The following PKHD1L1 variants were observed in gnomAD, a reference collection of about 807,000 sequenced individuals.
PKHD1L1 encodes fibrocystin-L.
Under a neutral mutation model 462.9 loss-of-function variants are expected in PKHD1L1, and 434 were observed. That is an observed-to-expected ratio of 0.94 (90% CI 0.87 to 1.02). The LOEUF is 1.02. Ranked by LOEUF, PKHD1L1 falls within the 50% of genes least tolerant of loss-of-function variation. The pLI is 0.00. For synonymous variants in PKHD1L1, 1,781 were observed against 1,750.0 expected, an observed-to-expected ratio of 1.02 and a Z score of -0.44; for missense variants, 5,202 against 5,096.1, an observed-to-expected ratio of 1.02 and a Z score of -0.63.
intron 48 of PKHD1L1, among the ~76,000 whole-genome samples, chr8:109,462,384 A>T (rs141055909): frequency 3.9e-4 from 59 of 152,246 alleles, no homozygotes; most frequent in African/African-American, 1.3e-3. Context: ...GTCCAAGTCC[A>T]TCCCATAGGA....
At chr8:109,452,334 G>A (rs1816572029) in intron 42 of PKHD1L1, 54 bp downstream of exon 42, 1 of 1,403,046 alleles carries the variant, frequency 7.1e-7, no homozygotes, top group African/African-American at 1.5e-5. Context: ...AGCATTATGG[G>A]AGGTGGGCTA....
In PKHD1L1 at chr8:109,444,939, T is replaced by C. The variant is rs1586528469; in HGVS notation, c.5070T>C (p.Gly1690=). 3 of 1,614,008 alleles carry C rather than the reference T, an allele frequency of 1.9e-6. No individual in the cohort carries two copies. The African/African-American group carries it at 4.0e-5, about 22-fold the overall frequency. Reference sequence around the variant, plus strand: ...CTGGATTTGCCGTTTCTTCTGCAGGTGTAAAAGTCCTTATGGGTCATTTCC... The same window carrying C: ...CTGGATTTGCCGTTTCTTCTGCAGGCGTAAAAGTCCTTATGGGTCATTTCC... ...KGSGFAVSSA[G]VKVLMGHFPC... The change falls in exon 38 of 78, where the codon GGT becomes GGC. Residue 1690 remains glycine (G), a synonymous_variant. Transcript: ENST00000378402.
intron 2 of PKHD1L1, among the ~76,000 whole-genome samples, chr8:109,372,463 G>T (rs997478440): frequency 2.0e-5 from 3 of 152,312 alleles, no homozygotes; most frequent in Non-Finnish European, 2.9e-5. Flanking sequence ...GGGACAATTT[G>T]ACTTCCTCTT....
chr8:109,371,003 T>C (rs181891355), intron 2 of PKHD1L1, among the ~76,000 whole-genome samples: 3 of 152,340 alleles, frequency 2.0e-5, no homozygotes, highest in Middle Eastern at 3.4e-3. Context: ...GCATGATTTA[T>C]AATCCTTTGG....
rs547219945 is a variant in PKHD1L1, at chr8:109,530,015, TATTTTAA to T, written c.12722-61_12722-55del. 264 of 952,326 alleles carry T rather than the reference TATTTTAA, an allele frequency of 2.8e-4. 1 individual carries two copies. The African/African-American group carries it at 4.1e-3, about 15-fold the overall frequency. The allele number at this position is 952,326 out of a possible 1,614,324, so 59.0% of individuals were successfully genotyped here. Reference sequence around the variant, plus strand: ...GAGAAAAGTTAAAATTAATGAAATATATTTTAAATTATACTATATGCTATTTCTACTT... The same window carrying T: ...GAGAAAAGTTAAAATTAATGAAATATATTATACTATATGCTATTTCTACTT... On this transcript the variant is annotated intron_variant, in intron 77 of 77. Coordinates refer to ENST00000378402, the MANE Select transcript of PKHD1L1 (RefSeq NM_177531.6).
At chr8:109,398,603 T>C (rs1813096228) in intron 12 of PKHD1L1, 55 bp downstream of exon 12, 3 of 720,992 alleles carry the variant, frequency 4.2e-6, no homozygotes, top group Non-Finnish European at 6.2e-6. Flanking sequence ...AAAGAATATA[T>C]TAGTAAAAAA....
intron 45 of PKHD1L1, among the ~76,000 whole-genome samples, chr8:109,455,427 T>A (rs770954776): frequency 1.3e-5 from 2 of 152,192 alleles, no homozygotes; most frequent in Non-Finnish European, 2.9e-5. Flanking sequence ...GGGTCTTTTC[T>A]ACATTCCTCC....
intron 50 of PKHD1L1, among the ~76,000 whole-genome samples, chr8:109,472,211 T>A (rs545320326): frequency 2.6e-4 from 39 of 152,098 alleles, no homozygotes; most frequent in African/African-American, 8.9e-4. Flanking sequence ...GAATGATCTA[T>A]CCCCCATCCC....
intron 70 of PKHD1L1, among the ~76,000 whole-genome samples, chr8:109,508,495 G>C (rs1159385284): frequency 6.6e-6 from 1 of 151,990 alleles, no homozygotes; most frequent in Non-Finnish European, 1.5e-5. Context: ...AAAAGAAGGA[G>C]GGGAAGAGGG....
At chr8:109,478,493 T>A (rs1818111277) in intron 53 of PKHD1L1, among the ~76,000 whole-genome samples, 1 of 151,994 alleles carries the variant, frequency 6.6e-6, no homozygotes, top group Non-Finnish European at 1.5e-5. Flanking sequence ...GGGACAGCCT[T>A]TGGGTGGGGT....
chr8:109,396,860 G>C (rs1018010925), intron 11 of PKHD1L1, among the ~76,000 whole-genome samples: 4 of 152,294 alleles, frequency 2.6e-5, no homozygotes, highest in Middle Eastern at 3.4e-3. Context: ...TCTTGCTCAA[G>C]TACTTTCTAC....
At chr8:109,393,732 A>G (rs1812816279) in intron 9 of PKHD1L1, among the ~76,000 whole-genome samples, 2 of 152,224 alleles carry the variant, frequency 1.3e-5, no homozygotes, top group Non-Finnish European at 2.9e-5. Flanking sequence ...ATCAAACGGC[A>G]TAATCAATTG....
intron 20 of PKHD1L1, 69 bp from the exon 21 acceptor site, chr8:109,413,352 T>C: frequency 9.4e-7 from 1 of 1,062,762 alleles, no homozygotes; most frequent in Non-Finnish European, 1.3e-6. Flanking sequence ...ACTTTGAATT[T>C]ATTTGAATTG....
At position 109,501,665 on chromosome 8, in the gene PKHD1L1, G is replaced by C. The variant is rs1478212556; in HGVS notation, c.10829-2662G>C. On this transcript the variant is annotated intron_variant, in intron 67 of 77. Coordinates refer to ENST00000378402, the MANE Select transcript of PKHD1L1 (RefSeq NM_177531.6). ...TTGGAAAGAAGGTGTCCATACTGTT[G>C]GATCCATGCATAGCCTCCATCTTCA... Among the ~76,000 whole-genome samples the C allele has an allele frequency of 2.0e-5, 3 of 152,118 alleles. No individual in the cohort carries two copies. The East Asian group carries it at 5.8e-4, about 29-fold the overall frequency.
At chr8:109,405,813 A>G (rs1813507976) in intron 16 of PKHD1L1, among the ~76,000 whole-genome samples, 1 of 152,196 alleles carries the variant, frequency 6.6e-6, no homozygotes. Context: ...TTACCTATGT[A>G]ACAAACATGC....
At chr8:109,513,768 C>T (rs1365054008) in intron 71 of PKHD1L1, among the ~76,000 whole-genome samples, 1 of 152,080 alleles carries the variant, frequency 6.6e-6, no homozygotes, top group African/African-American at 2.4e-5. Context: ...TCATCCAACC[C>T]ATCTGCAAGT....
At chr8:109,486,570 G>A (rs1315909057) in intron 58 of PKHD1L1, 78 bp from the exon 59 acceptor site, 1 of 1,386,206 alleles carries the variant, frequency 7.2e-7, no homozygotes. Flanking sequence ...AGGCTGTTTA[G>A]CATATAAACT....
intron 27 of PKHD1L1, among the ~76,000 whole-genome samples, chr8:109,431,071 G>A (rs7817639): frequency 0.15 from 22,390 of 151,140 alleles, 2,142 homozygotes; most frequent in South Asian, 0.29. Flanking sequence ...AGGTTCAAGC[G>A]ATTCTCCCAC....
rs746471161 is a variant in PKHD1L1 at position 109,385,645 on chromosome 8, T to G, written c.569+15T>G. 6.8e-7 allele frequency: 1 copy of G among 1,472,366 alleles called. No homozygotes were observed. The highest frequency in any genetic ancestry group is 1.2e-5 in the South Asian group (1 of 84,574). The allele number at this position is 1,472,366 out of a possible 1,614,324, so 91.2% of individuals were successfully genotyped here. A position where few individuals can be genotyped will look rare whatever the true frequency, so the allele number is the denominator to read the frequency against. ...AGGATTTTGAGGTAATCTTTTGATGTGGAAATATATTCTTATAACTCATAA... is the reference window on the plus strand; with the variant it reads ...AGGATTTTGAGGTAATCTTTTGATGGGGAAATATATTCTTATAACTCATAA... On this transcript the variant is annotated intron_variant, in intron 6 of 77. Coordinates refer to ENST00000378402, the MANE Select transcript of PKHD1L1 (RefSeq NM_177531.6).
Sources: allele counts gnomAD v4.1 joint callset (sites outside exome capture counted in the v4.1 genomes callset), GRCh38; gene constraint gnomAD v4.1.1; transcripts MANE v1.5; gene names NCBI Gene and HGNC (gene_info 2026-07-23, HGNC 2026-07-21).